Variants in IWS1 observed in about 807,000 individuals in gnomAD.
IWS1 encodes interacts with SUPT6H, CTD assembly factor 1.
In IWS1, 27 loss-of-function variants were observed where a neutral mutation model predicts 86.7. The observed-to-expected ratio is 0.31, with a 90% CI of 0.23 to 0.43. The LOEUF (loss-of-function observed/expected upper bound fraction) is 0.43, where lower values mean the gene tolerates loss of function less well. Ranked by LOEUF, IWS1 falls within the 20% of genes least tolerant of loss-of-function variation. The probability of loss-of-function intolerance (pLI) is 1.00; values close to 1 mark genes in which losing one functional copy is unlikely to be tolerated. For synonymous variants in IWS1, 313 were observed against 335.1 expected (o/e 0.93, Z 0.72); for missense variants, 827 against 1,000.8 (o/e 0.83, Z 2.34).
At chr2:127,484,868 G>A (rs1321044463) in intron 13 of IWS1, among the ~76,000 whole-genome samples, 3 of 152,068 alleles carry the variant, frequency 2.0e-5, no homozygotes. Context: ...ATGGTGGCAG[G>A]AGCCTGTAGT....
intron 2 of IWS1, among the ~76,000 whole-genome samples, chr2:127,514,108 C>T (rs1691627673): frequency 6.6e-6 from 1 of 152,144 alleles, no homozygotes; most frequent in Non-Finnish European, 1.5e-5. Context: ...GTTGCCTTTC[C>T]CAAGGCTACC....
At chr2:127,497,033 C>T (rs898946868) in intron 6 of IWS1, among the ~76,000 whole-genome samples, 5 of 152,154 alleles carry the variant, frequency 3.3e-5, no homozygotes, top group Non-Finnish European at 7.4e-5. Context: ...GTAGGCAATA[C>T]CATGTAGGTT....
chr2:127,504,948 C>T lies in IWS1; in HGVS notation c.955G>A (p.Asp319Asn). 1 of 1,614,188 alleles carries T rather than the reference C, an allele frequency of 6.2e-7. No homozygotes were observed. The highest frequency in any genetic ancestry group is 8.5e-7 in the Non-Finnish European group (1 of 1,180,050). ...GGCTTCTGTTTGTGTCTGGACGCAT[C>T]CTCAGTTTCTGAGTCACTGGCAGGC... ...KGPASDSETE[D>N]ASRHKQKPES... is the part of the protein sequence containing the mutation. The change falls in exon 3 of 14, where the codon GAT (aspartate) becomes AAT (asparagine). Residue 319 changes from aspartate (D) to asparagine (N), a missense_variant. Coordinates refer to ENST00000295321, the MANE Select transcript of IWS1 (RefSeq NM_017969.3).
intron 7 of IWS1, among the ~76,000 whole-genome samples, chr2:127,495,664 GA>G (rs1219246312): frequency 6.6e-6 from 1 of 152,158 alleles, no homozygotes; most frequent in Admixed American, 6.5e-5. Flanking sequence ...AGGAGCAAGA[GA>G]ACGACACATG....
At chr2:127,512,541 C>A (rs1691527152) in intron 2 of IWS1, among the ~76,000 whole-genome samples, 1 of 152,180 alleles carries the variant, frequency 6.6e-6, no homozygotes. Flanking sequence ...AACAATCATT[C>A]CTGAAATATA....
rs1692424359 is a variant in IWS1, at chr2:127,526,437, T to C, written c.-229A>G. 2.0e-6 allele frequency: 3 copies of C among 1,535,244 alleles called. No homozygotes were observed. Among genetic ancestry groups the C allele is most frequent in the East Asian group, 2.5e-5 (1 of 40,664 alleles). Reference sequence around the variant, plus strand: ...CGGCAGGCTGGCGGGCGGGCAGGCATGCGAGCCGGCGTTCTACTTCCTAGA... The same window carrying C: ...CGGCAGGCTGGCGGGCGGGCAGGCACGCGAGCCGGCGTTCTACTTCCTAGA... On this transcript the variant is annotated 5_prime_UTR_variant, in exon 1 of 14. It removes an upstream start codon present in the reference 5' UTR. Coordinates refer to ENST00000295321, the MANE Select transcript of IWS1 (RefSeq NM_017969.3).
intron 2 of IWS1, among the ~76,000 whole-genome samples, chr2:127,516,957 GAA>G (rs1691809997): frequency 6.6e-6 from 1 of 152,090 alleles, no homozygotes; most frequent in Admixed American, 6.6e-5. Flanking sequence ...AATAAGATTA[GAA>G]ATAGTAGGAA....
intron 2 of IWS1, among the ~76,000 whole-genome samples, chr2:127,509,714 A>C (rs938555392): frequency 1.4e-5 from 2 of 148,132 alleles, no homozygotes; most frequent in Non-Finnish European, 3.0e-5. Flanking sequence ...TCTCAAAAAA[A>C]AAAAAAAAAA....
In IWS1 at chr2:127,492,044, T is replaced by C; in HGVS notation, c.1974A>G (p.Gly658=). 1 of 1,614,100 alleles carries C rather than the reference T, an allele frequency of 6.2e-7. No individual in the cohort carries two copies. The highest frequency in any genetic ancestry group is 8.5e-7 in the Non-Finnish European group (1 of 1,179,966). Residue 658 remains glycine, a synonymous_variant, in exon 10 of 14, where the codon GGA becomes GGG. Transcript: ENST00000295321. The part of the protein sequence containing the change: ...SQETLKHSGI[G]RAVMYLYKHP... ...GTTTATAGAGATACATCACTGCTCG[T>C]CCAATCCCACTATGCTTCAGGGTCT...
intron 10 of IWS1, 119 bp from the exon 11 acceptor site, chr2:127,490,062 A>G (rs943251433): frequency 4.4e-6 from 3 of 684,648 alleles, no homozygotes; most frequent in Non-Finnish European, 7.9e-6. Flanking sequence ...TTCCTTGAAG[A>G]GTCCATTATT....
intron 9 of IWS1, 58 bp downstream of exon 9, chr2:127,493,223 G>A (rs1464887262): frequency 1.3e-6 from 2 of 1,499,356 alleles, no homozygotes; most frequent in African/African-American, 2.8e-5. Flanking sequence ...CACAGGTTAT[G>A]ACCATACAGA....
chr2:127,484,346 T>C (rs945189415), intron 13 of IWS1: 18 of 152,130 alleles, frequency 1.2e-4, no homozygotes, highest in East Asian at 5.8e-4. Flanking sequence ...CAAAAAACCC[T>C]ATTTATTTTT....
Position 127,496,119 on chromosome 2 carries a change from A to T in IWS1, c.1595T>A (p.Met532Lys). ...HMDFLSDFEM[M>K]LQRKKSMSGK... is the part of the protein sequence containing the mutation. ...ACTCATGCTCTTTTTTCGCTGCAAC[A>T]TCATCTCAAAATCTGACAGAAAGTC... is the stretch of plus-strand genomic sequence containing the variant. Residue 532 changes from methionine to lysine, a missense_variant, in exon 7 of 14, where the codon ATG becomes AAG. Physicochemically the swap from Met to Lys is moderately conservative, Grantham distance 95 (BLOSUM62 -1). This residue lies in a region of IWS1 where 279 missense variants were observed against 440.6 expected (regional missense o/e 0.63). Transcript: ENST00000295321. 2 of 1,613,732 alleles carry T rather than the reference A, an allele frequency of 1.2e-6. No homozygotes were observed. The highest frequency in any genetic ancestry group is 1.7e-6 in the Non-Finnish European group (2 of 1,179,864).
At chr2:127,483,639 T>C (rs57561739) in intron 13 of IWS1, among the ~76,000 whole-genome samples, 26 of 98,316 alleles carry the variant, frequency 2.6e-4, no homozygotes, top group Non-Finnish European at 3.6e-4. Context: ...TGCGTGTGTG[T>C]GTGTGTGTGT....
intron 2 of IWS1, among the ~76,000 whole-genome samples, chr2:127,506,023 G>A (rs193042533): frequency 1.1e-4 from 16 of 152,264 alleles, no homozygotes; most frequent in Admixed American, 7.8e-4. Context: ...AAAACTGACC[G>A]TGAAGAGCTA....
At chr2:127,519,084 A>G (rs1239763061) in intron 2 of IWS1, among the ~76,000 whole-genome samples, 1 of 152,034 alleles carries the variant, frequency 6.6e-6, no homozygotes, top group Non-Finnish European at 1.5e-5. Flanking sequence ...TTAAAATATC[A>G]TTTATCTTGA....
chr2:127,515,955 G>C (rs898109257), intron 2 of IWS1, among the ~76,000 whole-genome samples: 2 of 152,148 alleles, frequency 1.3e-5, no homozygotes, highest in African/African-American at 2.4e-5. Flanking sequence ...TTGAGAAGTG[G>C]AGATTCCCAT....
chr2:127,502,982 G>T, intron 4 of IWS1, 110 bp from the exon 5 acceptor site: 3 of 656,128 alleles, frequency 4.6e-6, no homozygotes, highest in Non-Finnish European at 5.4e-6. Flanking sequence ...GATCTTCAGT[G>T]TTCAGTTCAA....
At chr2:127,491,902 T>G in intron 10 of IWS1, 69 bp downstream of exon 10, 2 of 925,318 alleles carry the variant, frequency 2.2e-6, no homozygotes, top group Non-Finnish European at 3.6e-6. Flanking sequence ...AAATACAGCT[T>G]TTATATATAC....
Sources: gnomAD v4.1 joint callset for allele counts (sites outside exome capture counted in the v4.1 genomes callset) on GRCh38, gnomAD v4.1.1 for gene constraint, gnomAD v4.1.1 regional missense constraint, MANE v1.5 for transcripts, NCBI Gene and HGNC (gene_info 2026-07-23, HGNC 2026-07-21) for gene names.